The following SDK2 variants were observed in gnomAD, a reference collection of about 807,000 sequenced individuals.
SDK2 encodes the protein protein sidekick-2.
A neutral mutation model predicts 253.9 loss-of-function variants in SDK2; 105 were observed. The observed-to-expected ratio is 0.41, with a 90% CI of 0.35 to 0.49. The LOEUF (loss-of-function observed/expected upper bound fraction) is 0.49, where lower values mean the gene tolerates loss of function less well. Among genes scored for constraint, SDK2 ranks in the 20% least tolerant of loss-of-function variants. SDK2 has a pLI of 0.06. For synonymous variants in SDK2, 1,249 were observed against 1,234.9 expected, an observed-to-expected ratio of 1.01 and a Z score of -0.24; for missense variants, 2,608 against 3,003.0, an observed-to-expected ratio of 0.87 and a Z score of 3.07.
intron 1 of SDK2, among the ~76,000 whole-genome samples, chr17:73,603,027 C>A (rs1397992590): frequency 6.6e-6 from 1 of 152,152 alleles, no homozygotes; most frequent in African/African-American, 2.4e-5. Context: ...GCCCAGCCAA[C>A]CTTGACACTA....
At chr17:73,434,534 G>A (rs912055575) in intron 9 of SDK2, among the ~76,000 whole-genome samples, 3 of 152,234 alleles carry the variant, frequency 2.0e-5, no homozygotes, top group African/African-American at 7.2e-5. Flanking sequence ...GATGAACACC[G>A]TGGAGCTCAA....
chr17:73,589,969 G>A (rs2045659947), intron 1 of SDK2, among the ~76,000 whole-genome samples: 1 of 152,246 alleles, frequency 6.6e-6, no homozygotes, highest in Non-Finnish European at 1.5e-5. Flanking sequence ...CTCTTCCAAT[G>A]TGTCCACTCC....
At chr17:73,492,522 G>C (rs1043518432) in intron 2 of SDK2, among the ~76,000 whole-genome samples, 1 of 152,148 alleles carries the variant, frequency 6.6e-6, no homozygotes, top group African/African-American at 2.4e-5. Flanking sequence ...GAGCCCACCA[G>C]TGCCTGGAAC....
In SDK2 at chr17:73,399,162, C is replaced by A. The variant is rs1190163368; in HGVS notation, c.3093+6G>T. 6.2e-7 allele frequency: 1 copy of A among 1,613,308 alleles called. No individual in the cohort carries two copies. The highest frequency in any genetic ancestry group is 8.5e-7 in the Non-Finnish European group (1 of 1,179,814). On this transcript the variant is annotated splice_donor_region_variant and intron_variant, in intron 22 of 44. Coordinates refer to ENST00000392650, the MANE Select transcript of SDK2 (RefSeq NM_001144952.2). ...GGCTGCTGGTCAGGCCCCAGGCCTG[C>A]CCTACCTGGGCTTCCACCAGCCAGC...
Position 73,447,124 on chromosome 17 carries a change from C to T in SDK2, c.613+491G>A, listed in dbSNP as rs2063458264. Among the ~76,000 whole-genome samples, 1 of 152,100 alleles carries T rather than the reference C, an allele frequency of 6.6e-6. No homozygotes were observed. The highest frequency in any genetic ancestry group is 2.4e-5 in the African/African-American group (1 of 41,398). On this transcript the variant is annotated intron_variant, in intron 5 of 44. Transcript: ENST00000392650. The surrounding 1 kb of genome is among the most constrained non-coding windows in gnomAD (Gnocchi z 4.0). ...TTTAGGTGGGTGCCTGGGCAGAGGG[C>T]CTGTCTTCCCATCAGCAGGGACCAC...
At chr17:73,547,114 A>G (rs554445081) in intron 1 of SDK2, among the ~76,000 whole-genome samples, 1 of 152,238 alleles carries the variant, frequency 6.6e-6, no homozygotes, top group Non-Finnish European at 1.5e-5. Flanking sequence ...GGCTTTAGCC[A>G]AGTCTCCTCT....
chr17:73,368,631 G>C, intron 36 of SDK2, 38 bp from the exon 37 acceptor site: 1 of 1,483,164 alleles, frequency 6.7e-7, no homozygotes, highest in Non-Finnish European at 9.1e-7. Context: ...AGGGGGACAG[G>C]GGCAATGAGA....
chr17:73,429,748 G>C (rs2063311435), intron 12 of SDK2, among the ~76,000 whole-genome samples: 1 of 152,254 alleles, frequency 6.6e-6, no homozygotes, highest in Admixed American at 6.5e-5. Context: ...CAGCATTCTG[G>C]AGCTCAAGGA....
At chr17:73,429,015 A>G (rs532731106) in intron 12 of SDK2, among the ~76,000 whole-genome samples, 9 of 152,192 alleles carry the variant, frequency 5.9e-5, no homozygotes, top group African/African-American at 1.9e-4. Flanking sequence ...TTTGCAAGAG[A>G]CCCCCGAATC....
chr17:73,365,170 C>T (rs1568367126), intron 38 of SDK2, 88 bp downstream of exon 38: 6 of 986,398 alleles, frequency 6.1e-6, no homozygotes, highest in African/African-American at 1.7e-5. Flanking sequence ...GAATCTCACT[C>T]ATGTGTAGTG....
chr17:73,591,087 T>C (rs1471537979), intron 1 of SDK2, among the ~76,000 whole-genome samples: 1 of 152,112 alleles, frequency 6.6e-6, no homozygotes, highest in African/African-American at 2.4e-5. Flanking sequence ...ACCTGGCTAA[T>C]TTTTGTACTT....
chr17:73,388,400 G>C (rs1236656508), intron 29 of SDK2, among the ~76,000 whole-genome samples: 1 of 152,212 alleles, frequency 6.6e-6, no homozygotes, highest in Non-Finnish European at 1.5e-5. Context: ...AGCAGGATGA[G>C]GTTGTTTCCC....
At position 73,496,875 on chromosome 17, in the gene SDK2, T is replaced by G. The variant is rs2063845517; in HGVS notation, c.224+10563A>C. 6.6e-6 allele frequency among the ~76,000 whole-genome samples: 1 copy of G among 152,120 alleles called. No individual in the cohort carries two copies. The highest frequency in any genetic ancestry group is 1.5e-5 in the Non-Finnish European group (1 of 68,028). On this transcript the variant is annotated intron_variant, in intron 2 of 44. Transcript: ENST00000392650. This position sits in a 1 kb window ranked among gnomAD's most constrained non-coding sequence, Gnocchi z 4.7. ...GTCACCAGACTTCTATGTCCCTAAA[T>G]TGAGCTGACGATTTATTTATTTGTT...
intron 3 of SDK2, among the ~76,000 whole-genome samples, chr17:73,466,291 T>A (rs1280629194): frequency 2.0e-5 from 3 of 152,178 alleles, no homozygotes; most frequent in African/African-American, 7.2e-5. Flanking sequence ...TCTCCCTGAG[T>A]GCCGTCCAGT....
At position 73,395,001 on chromosome 17, in the gene SDK2, C is replaced by T. The variant is rs2062958408; in HGVS notation, c.3592+154G>A. ...AAGTGGCAGGTGCTGGGAGAGGCGG[C>T]AACATCATTGTGACATTGAGCATAA... On this transcript the variant is annotated intron_variant, in intron 25 of 44. Coordinates refer to ENST00000392650, the MANE Select transcript of SDK2 (RefSeq NM_001144952.2). The surrounding 1 kb of genome is among the most constrained non-coding windows in gnomAD (Gnocchi z 4.3). 1.3e-5 allele frequency among the ~76,000 whole-genome samples: 2 copies of T among 152,162 alleles called. No individual in the cohort carries two copies. Among genetic ancestry groups the T allele is most frequent in the Non-Finnish European group, 2.9e-5 (2 of 68,028 alleles).
chr17:73,380,967 C>CTGGTTTTA lies in SDK2; in HGVS notation c.4706-18_4706-17insTAAAACCA. The CTGGTTTTA allele has an allele frequency of 1.0e-6, 1 of 985,114 alleles. No homozygotes were observed. Among genetic ancestry groups the CTGGTTTTA allele is most frequent in the Non-Finnish European group, 1.5e-6 (1 of 651,198 alleles). 61.0% of individuals were successfully genotyped at this position (985,114 alleles called of 1,614,324 possible). On this transcript the variant is annotated splice_polypyrimidine_tract_variant and intron_variant, in intron 33 of 44. Coordinates refer to ENST00000392650, the MANE Select transcript of SDK2 (RefSeq NM_001144952.2). ...AGTACATGGCTATGGGGTGGGGGTG[C>CTGGTTTTA]CGGGGCGGGGGCGCAGAGGGAGACA...
chr17:73,434,766 G>A (rs1020130808), intron 9 of SDK2, among the ~76,000 whole-genome samples: 1 of 152,196 alleles, frequency 6.6e-6, no homozygotes, highest in African/African-American at 2.4e-5. Flanking sequence ...TAGTACCTGG[G>A]AGTACAGGTG....
At chr17:73,550,089 C>T (rs1413228732) in intron 1 of SDK2, among the ~76,000 whole-genome samples, 2 of 152,182 alleles carry the variant, frequency 1.3e-5, no homozygotes, top group African/African-American at 4.8e-5. Flanking sequence ...ACCAGCCAGG[C>T]CCCCTCCCTA....
At chr17:73,553,403 T>C (rs1398255004) in intron 1 of SDK2, among the ~76,000 whole-genome samples, 1 of 152,110 alleles carries the variant, frequency 6.6e-6, no homozygotes, top group Non-Finnish European at 1.5e-5. Flanking sequence ...TTGGTAAAGA[T>C]GACAAAACTG....
Sources: allele counts gnomAD v4.1 joint callset (sites outside exome capture counted in the v4.1 genomes callset), GRCh38; gene constraint gnomAD v4.1.1; non-coding constraint Gnocchi (gnomAD v3.1); transcripts MANE v1.5; gene names NCBI Gene and HGNC (gene_info 2026-07-23, HGNC 2026-07-21).